The following HOXD3 variants were observed in gnomAD, a reference collection of about 807,000 sequenced individuals.
HOXD3 encodes the protein homeobox protein Hox-D3.
A neutral mutation model predicts 32.8 loss-of-function variants in HOXD3; 13 were observed. That is an observed-to-expected ratio of 0.40 (90% CI 0.26 to 0.63). HOXD3 has a LOEUF of 0.63. Among genes scored for constraint, HOXD3 ranks in the 20% least tolerant of loss-of-function variants. The pLI is 0.44. For synonymous variants in HOXD3, 241 were observed against 246.8 expected, an observed-to-expected ratio of 0.98 and a Z score of 0.22; for missense variants, 504 against 577.1, an observed-to-expected ratio of 0.87 and a Z score of 1.30.
chr2:176,171,991 T>C lies in HOXD3; in HGVS notation c.1016T>C (p.Met339Thr), dbSNP rs1559142826. ...GCGCCGGAGTTCGAGCCCCATCCCA[T>C]GGCGAGCAACGGCGGCGGCTTCGCC... ...YAAPEFEPHP[M>T]ASNGGGFASA... The change falls in exon 4 of 4, where the codon ATG becomes ACG. Residue 339 changes from methionine to threonine, a missense_variant. By Grantham distance (81) the Met-to-Thr change is moderately conservative. Transcript: ENST00000683222. The C allele has an allele frequency of 3.7e-6, 6 of 1,610,534 alleles. No individual in the cohort carries two copies. The highest frequency in any genetic ancestry group is 2.2e-5 in the South Asian group (2 of 91,006).
rs1250900103 is a variant in HOXD3 at position 176,172,254 on chromosome 2, C to A, written c.1279C>A (p.Pro427Thr). 5 of 1,602,828 alleles carry A rather than the reference C, an allele frequency of 3.1e-6. No individual in the cohort carries two copies. The highest frequency in any genetic ancestry group is 4.2e-6 in the Non-Finnish European group (5 of 1,177,796). The change falls in exon 4 of 4, where the codon CCC (proline) becomes ACC (threonine). Residue 427 changes from proline to threonine, a missense_variant. Physicochemically the swap from Pro to Thr is conservative, Grantham distance 38. Around this residue, in one of 3 missense-constraint regions of HOXD3, gnomAD observed 226 missense variants for 246.9 expected, o/e 0.92. Coordinates refer to ENST00000683222, the MANE Select transcript of HOXD3 (RefSeq NM_006898.5). ...HSSQGRLPEA[P>T]KLTHL ...GTCTCAGGGACGACTGCCGGAGGCT[C>A]CCAAACTGACGCATCTGTAGCGGCC...
intron 2 of HOXD3, among the ~76,000 whole-genome samples, chr2:176,167,686 CTTTTTTTTTTTTTTTTT>C (rs56761217): frequency 9.2e-6 from 1 of 108,910 alleles, no homozygotes; most frequent in Non-Finnish European, 1.8e-5. Context: ...GGGGGAGACC[CTTTTTTTTTTTTTTTTT>C]TTTTTTTTTT....
At chr2:176,162,177 A>T (rs1028432852) in intron 1 of HOXD3, among the ~76,000 whole-genome samples, 3 of 152,252 alleles carry the variant, frequency 2.0e-5, no homozygotes, top group African/African-American at 7.2e-5. Flanking sequence ...GCTTGGCTTC[A>T]TCAGAACTGA....
At chr2:176,160,172 C>T (rs1161191132) in intron 1 of HOXD3, among the ~76,000 whole-genome samples, 1 of 152,186 alleles carries the variant, frequency 6.6e-6, no homozygotes, top group Non-Finnish European at 1.5e-5. Context: ...TCGGCCTCCG[C>T]GGCGGGGAGG....
At position 176,169,668 on chromosome 2, in the gene HOXD3, G is replaced by A; in HGVS notation, c.541+13G>A. ...TGTGCCACTGCAGGTAGCTCCCTGA[G>A]GTGGCCTACTGCCAGACCAAGCCCC... On this transcript the variant is annotated intron_variant, in intron 3 of 3. Coordinates refer to ENST00000683222, the MANE Select transcript of HOXD3 (RefSeq NM_006898.5). 6.4e-7 allele frequency: 1 copy of A among 1,572,624 alleles called. No homozygotes were observed. Among genetic ancestry groups the A allele is most frequent in the South Asian group, 1.2e-5 (1 of 83,334 alleles).
In HOXD3 at chr2:176,171,926, G is replaced by T. The variant is rs1338340847; in HGVS notation, c.951G>T (p.Ala317=). Residue 317 remains alanine, a synonymous_variant, in exon 4 of 4, where the codon GCG becomes GCT. Transcript: ENST00000683222. ...PNMYGLAAYT[A]PLSSCLPQQK... Reference sequence around the variant, plus strand: ...TGTACGGCCTGGCCGCCTACACGGCGCCACTCAGCAGCTGCCTGCCACAAC... The same window carrying T: ...TGTACGGCCTGGCCGCCTACACGGCTCCACTCAGCAGCTGCCTGCCACAAC... 2 of 1,609,878 alleles carry T rather than the reference G, an allele frequency of 1.2e-6. No individual in the cohort carries two copies. The highest frequency in any genetic ancestry group is 1.7e-6 in the Non-Finnish European group (2 of 1,178,866).
chr2:176,157,293 C>T (rs1690668740), upstream of HOXD3, among the ~76,000 whole-genome samples: 1 of 152,138 alleles, frequency 6.6e-6, no homozygotes, highest in African/African-American at 2.4e-5. Flanking sequence ...TTCAGCACGT[C>T]CCTTAAGAAA....
chr2:176,172,240 G>C lies in HOXD3; in HGVS notation c.1265G>C (p.Arg422Pro). 2 of 1,606,670 alleles carry C rather than the reference G, an allele frequency of 1.2e-6. 1 individual carries two copies. Among genetic ancestry groups the C allele is most frequent in the South Asian group, 2.2e-5 (2 of 90,886 alleles). ...TCGGCCCACCACTCGTCTCAGGGAC[G>C]ACTGCCGGAGGCTCCCAAACTGACG... ...DLSAHHSSQG[R>P]LPEAPKLTHL is the part of the protein sequence containing the mutation. Residue 422 changes from arginine to proline, a missense_variant, in exon 4 of 4, where the codon CGA (arginine) becomes CCA (proline). This residue lies in a region of HOXD3 where 226 missense variants were observed against 246.9 expected (regional missense o/e 0.92). Coordinates refer to ENST00000683222, the MANE Select transcript of HOXD3 (RefSeq NM_006898.5).
chr2:176,169,488 C>G lies in HOXD3; in HGVS notation c.374C>G (p.Thr125Ser). The G allele has an allele frequency of 6.2e-7, 1 of 1,613,914 alleles. No individual in the cohort carries two copies. The highest frequency in any genetic ancestry group is 8.5e-7 in the Non-Finnish European group (1 of 1,179,904). The part of the protein sequence containing the change: ...QPPQPPPPPP[T>S]LPPSSPTNPG... ...CCACAACCCCCTCCTCCACCACCGA[C>G]CCTGCCCCCATCTTCACCCACCAAT... The change falls in exon 3 of 4, where the codon ACC becomes AGC. Residue 125 changes from threonine to serine, a missense_variant. This residue lies in a region of HOXD3 where 181 missense variants were observed against 172.2 expected (regional missense o/e 1.05). Coordinates refer to ENST00000683222, the MANE Select transcript of HOXD3 (RefSeq NM_006898.5).
chr2:176,160,140 T>C (rs1008166705), intron 1 of HOXD3, among the ~76,000 whole-genome samples: 1 of 152,150 alleles, frequency 6.6e-6, no homozygotes, highest in Non-Finnish European at 1.5e-5. Context: ...GAGCGGGTCC[T>C]CGCCCTGGGA....
At position 176,172,782 on chromosome 2, in the gene HOXD3, A is replaced by ATTTT. The variant is rs1186376311; in HGVS notation, c.*509_*510insTTTT. On this transcript the variant is annotated 3_prime_UTR_variant, in exon 4 of 4. Coordinates refer to ENST00000683222, the MANE Select transcript of HOXD3 (RefSeq NM_006898.5). ...TCCTTGTCTGAATGTATTTATGTGT[A>ATTTT]TATTTGTAGATTTATCCAGCCGAGC... is the stretch of plus-strand genomic sequence containing the variant. 1 of 154,706 alleles carries ATTTT rather than the reference A, an allele frequency of 6.5e-6. No homozygotes were observed. Among genetic ancestry groups the ATTTT allele is most frequent in the Non-Finnish European group, 1.4e-5 (1 of 69,674 alleles). The allele number at this position is 154,706 out of a possible 1,614,324, so 9.6% of individuals were successfully genotyped here. A position where few individuals can be genotyped will look rare whatever the true frequency, so the allele number is the denominator to read the frequency against.
chr2:176,153,131 T>TGGGGTTG, upstream of HOXD3: 1 of 347,150 alleles, frequency 2.9e-6, no homozygotes. Flanking sequence ...GGGATGGGGA[T>TGGGGTTG]GGGAGGGGGG....
rs1574986217 is a variant in HOXD3, at chr2:176,168,896, A to G, written c.-84-135A>G. 18 of 574,896 alleles carry G rather than the reference A, an allele frequency of 3.1e-5. No individual in the cohort carries two copies. In the East Asian group the frequency reaches 5.4e-4, roughly 17 times the overall value. 35.6% of individuals were successfully genotyped at this position (574,896 alleles called of 1,614,324 possible). A position where few individuals can be genotyped will look rare whatever the true frequency, so the allele number is the denominator to read the frequency against. On this transcript the variant is annotated intron_variant, in intron 2 of 3. Transcript: ENST00000683222. ...TTAATAAATAAATAGATAAGTAAAT[A>G]AACTCAGATCCAGCACCTTGCCCAT...
chr2:176,156,763 G>C (rs1355276831), upstream of HOXD3, among the ~76,000 whole-genome samples: 2 of 152,172 alleles, frequency 1.3e-5, no homozygotes, highest in Non-Finnish European at 2.9e-5. Context: ...TTGAAGAAGG[G>C]GCCAAGACAG....
At chr2:176,155,872 A>G (rs1690634046), upstream of HOXD3, among the ~76,000 whole-genome samples, 1 of 152,168 alleles carries the variant, frequency 6.6e-6, no homozygotes, top group Non-Finnish European at 1.5e-5. Flanking sequence ...TCTGACTCCC[A>G]TCTCACTTTG....
chr2:176,153,007 C>G, upstream of HOXD3: 3 of 1,514,590 alleles, frequency 2.0e-6, no homozygotes, highest in Non-Finnish European at 2.8e-6. Flanking sequence ...GGGGGCAGGC[C>G]GGGCCTGCTG....
At chr2:176,158,050 G>A (rs966448690) in intron 1 of HOXD3, among the ~76,000 whole-genome samples, 1 of 152,226 alleles carries the variant, frequency 6.6e-6, no homozygotes, top group South Asian at 2.1e-4. Context: ...TTAACCAACA[G>A]ATAATGATTT....
At position 176,171,540 on chromosome 2, in the gene HOXD3, C is replaced by T. The variant is rs750214719; in HGVS notation, c.565C>T (p.Pro189Ser). The T allele has an allele frequency of 3.8e-6, 6 of 1,594,602 alleles. No individual in the cohort carries two copies. The highest frequency in any genetic ancestry group is 1.7e-6 in the Non-Finnish European group (2 of 1,169,440). The change falls in exon 4 of 4, where the codon CCG becomes TCG. Residue 189 changes from proline to serine, a missense_variant. By Grantham distance (74) the Pro-to-Ser change is moderately conservative. This residue lies in a region of HOXD3 where 97 missense variants were observed against 158.0 expected (regional missense o/e 0.61). Transcript: ENST00000683222. ...AGGAGAGAGCTGCGAGGACAAGAGC[C>T]CGCCAGGCCCAGCATCCAAGCGGGT... is the stretch of plus-strand genomic sequence containing the variant. ...TAGESCEDKS[P>S]PGPASKRVRT...
upstream of HOXD3, chr2:176,152,744 C>A (rs772924286): frequency 6.8e-6 from 11 of 1,614,174 alleles, no homozygotes; most frequent in Non-Finnish European, 9.3e-6. This position sits in a 1 kb window ranked among gnomAD's most constrained non-coding sequence, Gnocchi z 5.2. Flanking sequence ...TCGCTCACAC[C>A]CTGTGTCTGT....
Sources: allele counts gnomAD v4.1 joint callset (sites outside exome capture counted in the v4.1 genomes callset), GRCh38; gene constraint gnomAD v4.1.1; regional missense constraint gnomAD v4.1.1; non-coding constraint Gnocchi (gnomAD v3.1); transcripts MANE v1.5; gene names NCBI Gene and HGNC (gene_info 2026-07-23, HGNC 2026-07-21).